Variants in CDH9 observed in about 807,000 individuals in gnomAD.
CDH9 encodes cadherin 9, also known as cadherin-9.
CDH9 carries 28 observed loss-of-function variants against 70.9 expected under a neutral mutation model. The observed-to-expected ratio is 0.40, with a 90% CI of 0.29 to 0.54. The LOEUF is 0.54. CDH9 is among the 20% of genes least tolerant of loss of function. The pLI is 0.59. For synonymous variants in CDH9, 409 were observed against 343.1 expected, an observed-to-expected ratio of 1.19 and a Z score of -2.12; for missense variants, 874 against 984.4, an observed-to-expected ratio of 0.89 and a Z score of 1.50.
chr5:27,004,105 T>C (rs1419700876), intron 1 of CDH9, among the ~76,000 whole-genome samples: 28 of 111,904 alleles, frequency 2.5e-4, no homozygotes, highest in Non-Finnish European at 4.7e-4. Context: ...AAAGAATGCC[T>C]CTCTGAAAAA....
intron 2 of CDH9, among the ~76,000 whole-genome samples, chr5:26,961,233 T>C (rs1028282413): frequency 1.3e-5 from 2 of 152,102 alleles, no homozygotes; most frequent in African/African-American, 4.8e-5. Flanking sequence ...AATGAACATA[T>C]GCACATACTT....
At chr5:26,902,365 G>A in intron 7 of CDH9, 111 bp downstream of exon 7, 1 of 659,414 alleles carries the variant, frequency 1.5e-6, no homozygotes, top group Non-Finnish European at 2.6e-6. Flanking sequence ...GAGATTATTG[G>A]TATTATTACT....
chr5:26,937,730 T>C (rs1741585115), intron 2 of CDH9, among the ~76,000 whole-genome samples: 1 of 152,092 alleles, frequency 6.6e-6, no homozygotes, highest in South Asian at 2.1e-4. Flanking sequence ...AAAAAGACTA[T>C]ATACCATAGG....
At chr5:26,897,883 G>T (rs1561187090) in intron 7 of CDH9, among the ~76,000 whole-genome samples, 1 of 152,172 alleles carries the variant, frequency 6.6e-6, no homozygotes, top group Non-Finnish European at 1.5e-5. Context: ...AAGTCAAATT[G>T]TGTCTGTTTG....
Position 26,885,879 on chromosome 5 carries a change from C to A in CDH9, c.1631-14G>T, listed in dbSNP as rs374143136. On this transcript the variant is annotated splice_polypyrimidine_tract_variant and intron_variant, in intron 10 of 11. Transcript: ENST00000231021. ...CTGCTGTATTATCTGGGGGAGAAAACATGTAAAAAAACAAAAACTTTCATA... is the reference window on the plus strand; with the variant it reads ...CTGCTGTATTATCTGGGGGAGAAAAAATGTAAAAAAACAAAAACTTTCATA... 3.1e-6 allele frequency: 5 copies of A among 1,607,920 alleles called. No homozygotes were observed.
intron 1 of CDH9, among the ~76,000 whole-genome samples, chr5:27,000,553 G>A (rs1461221748): frequency 6.6e-6 from 1 of 152,082 alleles, no homozygotes. Context: ...ACCGAAGTTG[G>A]AACAACTTCA....
Position 26,890,417 on chromosome 5 carries a change from C to A in CDH9, c.1390+11G>T. Reference sequence around the variant, plus strand: ...AGACAGTGTCTTCGGGTAGATGTAGCTCCAACTTACTTATTTCTGTGGCTG... The same window carrying A: ...AGACAGTGTCTTCGGGTAGATGTAGATCCAACTTACTTATTTCTGTGGCTG... On this transcript the variant is annotated intron_variant, in intron 8 of 11. Coordinates refer to ENST00000231021, the MANE Select transcript of CDH9 (RefSeq NM_016279.4). 1 of 1,612,098 alleles carries A rather than the reference C, an allele frequency of 6.2e-7. No individual in the cohort carries two copies. The highest frequency in any genetic ancestry group is 1.1e-5 in the South Asian group (1 of 91,052).
chr5:26,980,913 A>AT, intron 2 of CDH9, among the ~76,000 whole-genome samples: 1 of 152,210 alleles, frequency 6.6e-6, no homozygotes, highest in South Asian at 2.1e-4. Context: ...AGGACTTAAG[A>AT]TAGTGTTCCA....
intron 2 of CDH9, among the ~76,000 whole-genome samples, chr5:26,935,190 A>AT (rs541969795): frequency 1.3e-3 from 196 of 152,318 alleles, no homozygotes; most frequent in African/African-American, 3.4e-3. Context: ...GATATTCATG[A>AT]TAAAAAGCCA....
chr5:26,913,072 C>A (rs1339071436), intron 3 of CDH9, among the ~76,000 whole-genome samples: 1 of 152,124 alleles, frequency 6.6e-6, no homozygotes, highest in Non-Finnish European at 1.5e-5. Flanking sequence ...TCCATTAAAT[C>A]TCCTTTTCTT....
chr5:26,914,529 G>A (rs890827188), intron 3 of CDH9, among the ~76,000 whole-genome samples: 5 of 151,986 alleles, frequency 3.3e-5, no homozygotes, highest in Admixed American at 2.6e-4. Context: ...TTTTATTAGA[G>A]TGAATACCTG....
chr5:26,913,110 A>T (rs1741081715), intron 3 of CDH9, among the ~76,000 whole-genome samples: 1 of 152,268 alleles, frequency 6.6e-6, no homozygotes, highest in Non-Finnish European at 1.5e-5. Context: ...CTTTATCAAC[A>T]GCATAAAACA....
chr5:26,916,744 CAG>C (rs1741156478), intron 2 of CDH9, among the ~76,000 whole-genome samples: 1 of 149,918 alleles, frequency 6.7e-6, no homozygotes, highest in South Asian at 2.1e-4. Context: ...GCTCTGTATT[CAG>C]AGAGACTAAT....
chr5:26,891,872 T>A (rs1026201264), intron 7 of CDH9, among the ~76,000 whole-genome samples: 2 of 152,100 alleles, frequency 1.3e-5, no homozygotes, highest in Non-Finnish European at 2.9e-5. Flanking sequence ...AAACTAGGAA[T>A]GGTCCTTAAG....
rs1425602743 is a variant in CDH9, at chr5:26,881,101, A to G, written c.*35T>C. 3 of 1,544,344 alleles carry G rather than the reference A, an allele frequency of 1.9e-6. No homozygotes were observed. The highest frequency in any genetic ancestry group is 1.4e-5 in the African/African-American group (1 of 72,826). ...CACTCAATCTAATAACATAGACAGT[A>G]CTTCCACTAATATTGATTAAGTCAA... On this transcript the variant is annotated 3_prime_UTR_variant, in exon 12 of 12. Transcript: ENST00000231021.
chr5:26,904,880 G>C (rs1334217631), intron 5 of CDH9, among the ~76,000 whole-genome samples: 1 of 152,002 alleles, frequency 6.6e-6, no homozygotes, highest in Non-Finnish European at 1.5e-5. Flanking sequence ...TACTCTTATA[G>C]TTCCAAAGTT....
chr5:27,005,012 A>C (rs914065746), intron 1 of CDH9, among the ~76,000 whole-genome samples: 2 of 152,154 alleles, frequency 1.3e-5, no homozygotes, highest in Admixed American at 1.3e-4. Flanking sequence ...TGAGCTTATA[A>C]AATTTGATAT....
intron 8 of CDH9, 119 bp from the exon 9 acceptor site, chr5:26,890,076 G>T: frequency 3.5e-6 from 3 of 856,798 alleles, no homozygotes; most frequent in Admixed American, 2.4e-5. Flanking sequence ...CAATTGGGCT[G>T]CTGATGAATA....
At chr5:26,962,735 CTTT>C (rs1179042851) in intron 2 of CDH9, among the ~76,000 whole-genome samples, 4 of 151,644 alleles carry the variant, frequency 2.6e-5, no homozygotes, top group Non-Finnish European at 4.4e-5. Flanking sequence ...CTGTAGTCTT[CTTT>C]TTATTTTATT....
Sources: gnomAD v4.1 joint callset for allele counts (sites outside exome capture counted in the v4.1 genomes callset) on GRCh38, gnomAD v4.1.1 for gene constraint, MANE v1.5 for transcripts, NCBI Gene and HGNC (gene_info 2026-07-23, HGNC 2026-07-21) for gene names.